The following DNAJC8 variants were observed in gnomAD, a reference collection of about 807,000 sequenced individuals.
The protein encoded by DNAJC8 is DnaJ heat shock protein family (Hsp40) member C8, also known as dnaJ homolog subfamily C member 8.
DNAJC8 carries 24 observed loss-of-function variants against 43.2 expected under a neutral mutation model. The observed-to-expected ratio is 0.56, with a 90% CI of 0.40 to 0.78. The LOEUF is 0.78. DNAJC8 is among the 30% of genes least tolerant of loss of function. The pLI is 0.00. For missense variants in DNAJC8, 207 were observed against 299.4 expected (o/e 0.69, Z 2.28); for synonymous variants, 83 against 98.0 (o/e 0.85, Z 0.90).
chr1:28,212,732 T>G (rs773779633), intron 3 of DNAJC8, among the ~76,000 whole-genome samples: 25 of 152,160 alleles, frequency 1.6e-4, no homozygotes, highest in Non-Finnish European at 3.4e-4. Flanking sequence ...TGTCGGGGAA[T>G]GAGAACAAAT....
chr1:28,212,205 ATATATATAT>A (rs1646818344), intron 3 of DNAJC8, among the ~76,000 whole-genome samples: 1 of 120,990 alleles, frequency 8.3e-6, no homozygotes, highest in Admixed American at 8.6e-5. Flanking sequence ...ATATATATAT[ATATATATAT>A]AAATGAAATT....
chr1:28,209,636 A>T (rs963336746), intron 5 of DNAJC8, among the ~76,000 whole-genome samples: 1 of 152,196 alleles, frequency 6.6e-6, no homozygotes, highest in Non-Finnish European at 1.5e-5. Context: ...ATCAAGAGTC[A>T]AGAGTCACAG....
intron 5 of DNAJC8, 93 bp downstream of exon 5, chr1:28,209,879 A>G: frequency 9.1e-7 from 1 of 1,093,050 alleles, no homozygotes; most frequent in Non-Finnish European, 1.4e-6. Context: ...AGGTTGTGCC[A>G]GTAGGCATTA....
At chr1:28,205,551 G>A (rs771236339) in intron 6 of DNAJC8, among the ~76,000 whole-genome samples, 7 of 152,168 alleles carry the variant, frequency 4.6e-5, no homozygotes, top group African/African-American at 7.2e-5. Context: ...GACTGCCCTG[G>A]CAACATAGTG....
At chr1:28,207,271 A>G (rs930009349) in intron 6 of DNAJC8, among the ~76,000 whole-genome samples, 2 of 151,978 alleles carry the variant, frequency 1.3e-5, no homozygotes, top group African/African-American at 4.8e-5. Context: ...CCAGCTACTC[A>G]GGAGGCTAAG....
chr1:28,231,288 C>G (rs1321791236), intron 1 of DNAJC8, among the ~76,000 whole-genome samples: 1 of 152,066 alleles, frequency 6.6e-6, no homozygotes, highest in Non-Finnish European at 1.5e-5. Context: ...CACTTGAGCC[C>G]AGAAGGCAGA....
At chr1:28,210,299 C>A (rs768036849) in intron 4 of DNAJC8, 4 of 559,448 alleles carry the variant, frequency 7.1e-6, no homozygotes, top group African/African-American at 3.8e-5. Context: ...GGATTTAATT[C>A]AGTGATAAAA....
At chr1:28,212,621 A>T (rs1646823147) in intron 3 of DNAJC8, among the ~76,000 whole-genome samples, 1 of 146,496 alleles carries the variant, frequency 6.8e-6, no homozygotes, top group African/African-American at 2.6e-5. Context: ...TAAACCAGCT[A>T]AAAAAAAAAG....
intron 1 of DNAJC8, among the ~76,000 whole-genome samples, chr1:28,231,141 CG>C (rs1195869956): frequency 1.3e-5 from 2 of 152,176 alleles, no homozygotes; most frequent in Non-Finnish European, 2.9e-5. Context: ...GAGGCCAAGA[CG>C]GGAGGATTGC....
At chr1:28,201,419 A>G in intron 8 of DNAJC8, 49 bp from the exon 9 acceptor site, 1 of 1,611,252 alleles carries the variant, frequency 6.2e-7, no homozygotes, top group Non-Finnish European at 8.5e-7. Context: ...ATGAGTGGAA[A>G]GGCCTAAACC....
chr1:28,202,424 G>C (rs1306440987), intron 8 of DNAJC8, among the ~76,000 whole-genome samples: 1 of 143,870 alleles, frequency 7.0e-6, no homozygotes, highest in African/African-American at 2.6e-5. Flanking sequence ...GGACTAAAGG[G>C]GCCCGCCACC....
intron 8 of DNAJC8, among the ~76,000 whole-genome samples, chr1:28,202,724 G>C (rs192733186): frequency 6.6e-5 from 10 of 151,238 alleles, no homozygotes; most frequent in Admixed American, 2.0e-4. Context: ...GAGACTACAG[G>C]TGCCAGCCAC....
chr1:28,229,136 G>T, intron 1 of DNAJC8, 113 bp from the exon 2 acceptor site: 1 of 869,118 alleles, frequency 1.2e-6, no homozygotes, highest in Non-Finnish European at 1.8e-6. Context: ...TGTTTACCAT[G>T]TGCAAGACAT....
In DNAJC8 at chr1:28,200,967, G is replaced by C; in HGVS notation, c.*281C>G. 2.2e-6 allele frequency: 1 copy of C among 447,560 alleles called. No homozygotes were observed. Among genetic ancestry groups the C allele is most frequent in the Non-Finnish European group, 4.1e-6 (1 of 242,728 alleles). 27.7% of individuals were successfully genotyped at this position (447,560 alleles called of 1,614,324 possible). A position where few individuals can be genotyped will look rare whatever the true frequency, so the allele number is the denominator to read the frequency against. ...ACAATTCAGTGAAGTACAAAACACT[G>C]AGTTACAGGCTGTGGGAAGAGAAGG... On this transcript the variant is annotated 3_prime_UTR_variant, in exon 9 of 9. Transcript: ENST00000263697.
intron 1 of DNAJC8, among the ~76,000 whole-genome samples, chr1:28,231,143 G>T (rs997496282): frequency 2.0e-5 from 3 of 152,092 alleles, no homozygotes; most frequent in African/African-American, 7.2e-5. Flanking sequence ...GGCCAAGACG[G>T]GAGGATTGCT....
intron 6 of DNAJC8, 21 bp from the exon 7 acceptor site, chr1:28,205,370 A>C: frequency 1.3e-6 from 2 of 1,557,250 alleles, no homozygotes; most frequent in East Asian, 2.2e-5. Context: ...ATCAAGAACA[A>C]AAGAAAATCA....
intron 2 of DNAJC8, among the ~76,000 whole-genome samples, chr1:28,228,348 C>CAAAAAAAAAA (rs78440134): frequency 1.3e-5 from 1 of 74,818 alleles, no homozygotes; most frequent in Non-Finnish European, 2.7e-5. Flanking sequence ...GACTCCGTCT[C>CAAAAAAAAAA]AAAAAAAAAA....
In DNAJC8 at chr1:28,205,294, T is replaced by G. The variant is rs748748624; in HGVS notation, c.527A>C (p.Lys176Thr). Residue 176 changes from lysine to threonine, a missense_variant, in exon 7 of 9, where the codon AAA (lysine) becomes ACA (threonine). Lys to Thr is a moderately conservative substitution (Grantham distance 78). Transcript: ENST00000263697. ...CTCTTTGGCTTCTCTCTCTTTCCTTTTAATTTCCAGCTCTGCAAAGAGTTT... is the reference window on the plus strand; with the variant it reads ...CTCTTTGGCTTCTCTCTCTTTCCTTGTAATTTCCAGCTCTGCAAAGAGTTT... ...TMKLFAELEI[K>T]RKEREAKEMH... 2 of 1,613,658 alleles carry G rather than the reference T, an allele frequency of 1.2e-6. No individual in the cohort carries two copies. The highest frequency in any genetic ancestry group is 1.7e-6 in the Non-Finnish European group (2 of 1,179,926).
intron 3 of DNAJC8, among the ~76,000 whole-genome samples, chr1:28,213,514 A>C (rs1646829578): frequency 6.6e-6 from 1 of 152,152 alleles, no homozygotes; most frequent in African/African-American, 2.4e-5. Context: ...TATGGGGAAA[A>C]TTACTGTACT....
Sources: allele counts gnomAD v4.1 joint callset (sites outside exome capture counted in the v4.1 genomes callset), GRCh38; gene constraint gnomAD v4.1.1; transcripts MANE v1.5; gene names NCBI Gene and HGNC (gene_info 2026-07-23, HGNC 2026-07-21).